The following DOP1B variants were observed in gnomAD, a reference collection of about 807,000 sequenced individuals.
The protein encoded by DOP1B is protein DOP1B.
In DOP1B, 174 loss-of-function variants were observed where a neutral mutation model predicts 233.5. The ratio of observed to expected loss-of-function variants is 0.75; its 90% confidence interval spans 0.66 to 0.85. DOP1B has a LOEUF of 0.85. DOP1B is among the 40% of genes least tolerant of loss of function. The probability of loss-of-function intolerance (pLI) is 0.00; values close to 1 mark genes in which losing one functional copy is unlikely to be tolerated. For missense variants in DOP1B, 2,652 were observed against 2,846.6 expected, an observed-to-expected ratio of 0.93 and a Z score of 1.56; for synonymous variants, 1,190 against 1,185.6, an observed-to-expected ratio of 1.00 and a Z score of -0.08.
rs774382267 is a variant in DOP1B at position 36,232,787 on chromosome 21, G to A, written c.2351-17G>A. On this transcript the variant is annotated splice_polypyrimidine_tract_variant and intron_variant, in intron 14 of 36. Coordinates refer to ENST00000691173, the MANE Select transcript of DOP1B (RefSeq NM_001320714.2). ...TGGTTCTGCTTGTTTCTGCCTCTCC[G>A]GCTGGCTTCCTTTCAGGAGCCGGTG... 12 of 1,611,460 alleles carry A rather than the reference G, an allele frequency of 7.4e-6. No individual in the cohort carries two copies. Among genetic ancestry groups the A allele is most frequent in the South Asian group, 1.1e-5 (1 of 90,978 alleles).
intron 23 of DOP1B, among the ~76,000 whole-genome samples, chr21:36,257,846 G>T (rs2067123332): frequency 6.8e-6 from 1 of 147,056 alleles, no homozygotes; most frequent in Admixed American, 6.7e-5. Flanking sequence ...GATGTAGATA[G>T]GTAGGTAGGT....
At chr21:36,220,959 C>A (rs998340986) in intron 10 of DOP1B, among the ~76,000 whole-genome samples, 1 of 151,972 alleles carries the variant, frequency 6.6e-6, no homozygotes, top group South Asian at 2.1e-4. Flanking sequence ...TATAGGCACA[C>A]ACAACCACAC....
At position 36,248,438 on chromosome 21, in the gene DOP1B, A is replaced by C; in HGVS notation, c.4868A>C (p.Glu1623Ala). The change falls in exon 21 of 37, where the codon GAG becomes GCG. Residue 1623 changes from glutamate to alanine, a missense_variant. Glu to Ala is a moderately radical substitution (Grantham distance 107). Coordinates refer to ENST00000691173, the MANE Select transcript of DOP1B (RefSeq NM_001320714.2). Reference protein sequence around the residue: ...LRNARNAILEELPRTVNTMAL... With the variant: ...LRNARNAILEALPRTVNTMAL... Reference sequence around the variant, plus strand: ...AATGCCAGAAATGCCATTTTGGAAGAGCTGCCTCGAACTGTTAACACCATG... The same window carrying C: ...AATGCCAGAAATGCCATTTTGGAAGCGCTGCCTCGAACTGTTAACACCATG... 1 of 1,614,070 alleles carries C rather than the reference A, an allele frequency of 6.2e-7. No individual in the cohort carries two copies. The highest frequency in any genetic ancestry group is 8.5e-7 in the Non-Finnish European group (1 of 1,179,934).
At chr21:36,287,454 C>T (rs2067497988) in intron 32 of DOP1B, among the ~76,000 whole-genome samples, 1 of 152,164 alleles carries the variant, frequency 6.6e-6, no homozygotes, top group Non-Finnish European at 1.5e-5. Context: ...TCTTTCTACT[C>T]AGCTGTGGCA....
chr21:36,289,343 G>A, intron 35 of DOP1B, 137 bp downstream of exon 35: 1 of 877,762 alleles, frequency 1.1e-6, no homozygotes, highest in Non-Finnish European at 1.7e-6. Context: ...AGCCAGCTCG[G>A]AATACCAAGT....
intron 26 of DOP1B, among the ~76,000 whole-genome samples, chr21:36,266,451 G>A (rs1157774878): frequency 6.6e-6 from 1 of 152,194 alleles, no homozygotes; most frequent in Non-Finnish European, 1.5e-5. Flanking sequence ...TGGAATTACA[G>A]GCATGAGCCA....
At chr21:36,262,806 G>T (rs961278446) in intron 24 of DOP1B, among the ~76,000 whole-genome samples, 1 of 151,882 alleles carries the variant, frequency 6.6e-6, no homozygotes, top group Non-Finnish European at 1.5e-5. Flanking sequence ...AACGAGAATC[G>T]CTTAAACCCG....
At chr21:36,263,711 C>T in intron 25 of DOP1B, 37 bp from the exon 26 acceptor site, 4 of 1,613,458 alleles carry the variant, frequency 2.5e-6, no homozygotes, top group Non-Finnish European at 3.4e-6. Context: ...TTTATTTCTG[C>T]AGCATTTTTA....
chr21:36,165,399 TGTGTGTGTGC>T (rs1321628739), intron 2 of DOP1B, among the ~76,000 whole-genome samples: 1 of 152,136 alleles, frequency 6.6e-6, no homozygotes, highest in African/African-American at 2.4e-5. Context: ...AAAACTTGTG[TGTGTGTGTGC>T]ATGTGTGTGC....
chr21:36,229,278 C>T (rs139579435), intron 13 of DOP1B, among the ~76,000 whole-genome samples: 1,772 of 152,258 alleles, frequency 0.012, 18 homozygotes, highest in Non-Finnish European at 0.02. Context: ...GGGCCTGACA[C>T]GAAGGTGTCA....
At chr21:36,226,705 C>T (rs1371678004) in intron 12 of DOP1B, among the ~76,000 whole-genome samples, 2 of 152,092 alleles carry the variant, frequency 1.3e-5, no homozygotes, top group African/African-American at 4.8e-5. Context: ...GCAATCCTCC[C>T]ACCTCAGCCT....
In DOP1B at chr21:36,246,732, A is replaced by G. The variant is rs1038497869; in HGVS notation, c.4697+55A>G. On this transcript the variant is annotated intron_variant, in intron 19 of 36. Transcript: ENST00000691173. The surrounding 1 kb of genome is among the most constrained non-coding windows in gnomAD (Gnocchi z 5.1). ...TGCTTTAGTGATGGTTTTTATAACG[A>G]ATGACTGTTTTGCCACGGATGTGGA... The G allele has an allele frequency of 6.4e-7, 1 of 1,552,072 alleles. No individual in the cohort carries two copies. Among genetic ancestry groups the G allele is most frequent in the Non-Finnish European group, 8.7e-7 (1 of 1,145,156 alleles).
chr21:36,256,583 T>C (rs147651084), intron 23 of DOP1B, among the ~76,000 whole-genome samples: 1 of 152,248 alleles, frequency 6.6e-6, no homozygotes, highest in African/African-American at 2.4e-5. Flanking sequence ...TCTCAGTGGG[T>C]GTGCGGATAA....
At chr21:36,198,149 G>A (rs2066314529) in intron 2 of DOP1B, among the ~76,000 whole-genome samples, 1 of 151,998 alleles carries the variant, frequency 6.6e-6, no homozygotes, top group African/African-American at 2.4e-5. Context: ...GATTAAGCCG[G>A]CCAGGCGCAG....
chr21:36,231,277 CT>C, intron 14 of DOP1B, 143 bp downstream of exon 14: 1 of 1,093,154 alleles, frequency 9.1e-7, no homozygotes, highest in Non-Finnish European at 1.3e-6. Context: ...GAATATTTGC[CT>C]TACACTTACC....
chr21:36,241,601 C>T lies in DOP1B; in HGVS notation c.3067+1646C>T, dbSNP rs544438711. Among the ~76,000 whole-genome samples, 85 of 148,840 alleles carry T rather than the reference C, an allele frequency of 5.7e-4. 2 individuals carry two copies. In the South Asian group the frequency reaches 0.016, roughly 27 times the overall value. ...TCGGCTCACTGCAACCTCCGCCTCC[C>T]GGGTTCAAGTGATTCTCCTGCCTCA... On this transcript the variant is annotated intron_variant, in intron 18 of 36. Transcript: ENST00000691173.
chr21:36,159,957 T>G (rs1006862520), intron 1 of DOP1B, among the ~76,000 whole-genome samples: 1 of 152,206 alleles, frequency 6.6e-6, no homozygotes, highest in African/African-American at 2.4e-5. Context: ...ACTGAAATTA[T>G]GTATTTAGGT....
rs761157164 is a variant in DOP1B, at chr21:36,164,718, G to A, written c.-16G>A. ...TTGATTTGCTTTTAGATACTTTTCT[G>A]CTGTGAGAATGTAAGATGGATCCAG... On this transcript the variant is annotated 5_prime_UTR_variant, in exon 2 of 37. Transcript: ENST00000691173. 4 of 1,553,042 alleles carry A rather than the reference G, an allele frequency of 2.6e-6. No individual in the cohort carries two copies. The Admixed American group carries it at 6.2e-5, about 24-fold the overall frequency.
At chr21:36,218,785 C>G (rs1199040773) in intron 9 of DOP1B, among the ~76,000 whole-genome samples, 2 of 152,190 alleles carry the variant, frequency 1.3e-5, no homozygotes, top group Admixed American at 1.3e-4. Flanking sequence ...CTGCCCATCC[C>G]CTGCCTGGTT....
Sources: allele counts gnomAD v4.1 joint callset (sites outside exome capture counted in the v4.1 genomes callset), GRCh38; gene constraint gnomAD v4.1.1; non-coding constraint Gnocchi (gnomAD v3.1); transcripts MANE v1.5; gene names NCBI Gene and HGNC (gene_info 2026-07-23, HGNC 2026-07-21).